The following VAC14 variants were observed in gnomAD, a reference collection of about 807,000 sequenced individuals.
VAC14 encodes the protein protein VAC14 homolog.
In VAC14, 47 loss-of-function variants were observed where a neutral mutation model predicts 85.3. The observed-to-expected ratio is 0.55, with a 90% CI of 0.44 to 0.70. VAC14 has a LOEUF of 0.70. VAC14 is among the 30% of genes least tolerant of loss of function. The pLI, the probability that VAC14 is intolerant of heterozygous loss-of-function variation, is 0.00. For missense variants in VAC14, 861 were observed against 1,004.3 expected, an observed-to-expected ratio of 0.86 and a Z score of 1.93; for synonymous variants, 447 against 430.5, an observed-to-expected ratio of 1.04 and a Z score of -0.47.
At chr16:70,783,619 C>CTCTGGG in intron 5 of VAC14, 65 bp from the exon 6 acceptor site, 1 of 1,530,128 alleles carries the variant, frequency 6.5e-7, no homozygotes, top group Non-Finnish European at 9.0e-7. Context: ...CTCACCAAGC[C>CTCTGGG]TCTGGGACTG....
chr16:70,708,318 C>G (rs1427265165), intron 14 of VAC14, among the ~76,000 whole-genome samples: 1 of 152,232 alleles, frequency 6.6e-6, no homozygotes, highest in South Asian at 2.1e-4. Context: ...TGGGCCCCTA[C>G]AGGCAATGGG....
intron 18 of VAC14, chr16:70,690,685 T>C (rs1216084349): frequency 7.1e-6 from 7 of 985,618 alleles, no homozygotes; most frequent in Non-Finnish European, 8.4e-6. Context: ...CGACCCTGTC[T>C]GCCAGCTGTC....
In VAC14 at chr16:70,772,175, G is replaced by A; in HGVS notation, c.1097-3C>T. On this transcript the variant is annotated splice_polypyrimidine_tract_variant and splice_region_variant and intron_variant, in intron 9 of 18. Coordinates refer to ENST00000261776, the MANE Select transcript of VAC14 (RefSeq NM_018052.5). ...GTCACAGGAACCATCTGGACCTCCT[G>A]GGAGAGGAAGAGGAACAAGGGGTCA... The A allele has an allele frequency of 1.2e-6, 2 of 1,613,896 alleles. No homozygotes were observed. The highest frequency in any genetic ancestry group is 1.7e-6 in the Non-Finnish European group (2 of 1,179,870).
rs113464294 is a variant in VAC14 at position 70,710,758 on chromosome 16, C to T, written c.1662-11947G>A. 1.3e-3 allele frequency among the ~76,000 whole-genome samples: 201 copies of T among 152,360 alleles called. 1 individual carries two copies. The Middle Eastern group carries it at 0.017, about 13-fold the overall frequency. On this transcript the variant is annotated intron_variant, in intron 14 of 18. Transcript: ENST00000261776. ...CCCCTCTGGCCTTGAAGCCACGGACCCAACTTGGGTCCAGCAGCCCCAGTG... is the reference window on the plus strand; with the variant it reads ...CCCCTCTGGCCTTGAAGCCACGGACTCAACTTGGGTCCAGCAGCCCCAGTG...
At chr16:70,743,890 C>T (rs1281199480) in intron 13 of VAC14, among the ~76,000 whole-genome samples, 1 of 152,156 alleles carries the variant, frequency 6.6e-6, no homozygotes, top group Non-Finnish European at 1.5e-5. Context: ...GCTGGCCTGC[C>T]ATCTGGAAGG....
intron 15 of VAC14, 151 bp from the exon 16 acceptor site, chr16:70,697,408 C>T (rs887637664): frequency 2.0e-5 from 12 of 602,968 alleles, no homozygotes; most frequent in African/African-American, 5.6e-5. Context: ...CGGCTGGGAA[C>T]GAGCCGTCAC....
At position 70,751,363 on chromosome 16, in the gene VAC14, G is replaced by T. The variant is rs111278864; in HGVS notation, c.1372-6784C>A. ...TCAGGCTAAAGGCCTTGGAAGCTGA[G>T]GTCTGGCCAGTGCAGGCCACTGCCA... On this transcript the variant is annotated intron_variant, in intron 12 of 18. Coordinates refer to ENST00000261776, the MANE Select transcript of VAC14 (RefSeq NM_018052.5). 1.4e-4 allele frequency among the ~76,000 whole-genome samples: 21 copies of T among 152,344 alleles called. 1 individual carries two copies. The highest frequency in any genetic ancestry group is 4.8e-4 in the African/African-American group (20 of 41,574).
At chr16:70,702,006 C>T (rs966696776) in intron 14 of VAC14, among the ~76,000 whole-genome samples, 2 of 152,174 alleles carry the variant, frequency 1.3e-5, no homozygotes, top group Admixed American at 6.5e-5. Flanking sequence ...AAATGCAGGC[C>T]CCTCCTACCA....
chr16:70,785,908 T>C (rs894121185), intron 2 of VAC14, 39 bp from the exon 3 acceptor site: 5 of 1,575,066 alleles, frequency 3.2e-6, no homozygotes, highest in Admixed American at 3.5e-5. Context: ...TCAGAATGGG[T>C]TGGAGCCCAG....
intron 14 of VAC14, among the ~76,000 whole-genome samples, chr16:70,719,397 AG>A (rs1361439451): frequency 1.3e-5 from 2 of 152,220 alleles, no homozygotes; most frequent in Non-Finnish European, 2.9e-5. Flanking sequence ...TTAAAAATAA[AG>A]TATGTCTGTT....
At chr16:70,746,371 T>G (rs1200635311) in intron 12 of VAC14, among the ~76,000 whole-genome samples, 1 of 152,180 alleles carries the variant, frequency 6.6e-6, no homozygotes, top group South Asian at 2.1e-4. Flanking sequence ...CTCCCACTCA[T>G]GGAGACTGGG....
At chr16:70,792,853 C>T (rs929513086) in intron 1 of VAC14, among the ~76,000 whole-genome samples, 2 of 152,226 alleles carry the variant, frequency 1.3e-5, no homozygotes, top group African/African-American at 4.8e-5. Context: ...AGCACTCACA[C>T]TCTGCTGAGT....
chr16:70,737,739 C>A (rs1377272260), intron 13 of VAC14, among the ~76,000 whole-genome samples: 1 of 152,258 alleles, frequency 6.6e-6, no homozygotes, highest in Non-Finnish European at 1.5e-5. Context: ...CACAAACAAC[C>A]TGCCCCGGGA....
intron 14 of VAC14, among the ~76,000 whole-genome samples, chr16:70,728,685 G>A (rs983157205): frequency 1.3e-5 from 2 of 152,170 alleles, no homozygotes; most frequent in East Asian, 1.9e-4. Flanking sequence ...ACTCCTTCTC[G>A]CCATGCGTCT....
intron 12 of VAC14, among the ~76,000 whole-genome samples, chr16:70,756,533 G>A (rs1299705473): frequency 6.6e-6 from 1 of 152,222 alleles, no homozygotes; most frequent in Non-Finnish European, 1.5e-5. Context: ...TGCTGGTGAG[G>A]GGCTGAGAGG....
At chr16:70,741,371 C>T (rs1597916668) in intron 13 of VAC14, among the ~76,000 whole-genome samples, 2 of 152,372 alleles carry the variant, frequency 1.3e-5, no homozygotes, top group Non-Finnish European at 2.9e-5. Context: ...TGGCACGTGC[C>T]CTCCCGGGGC....
chr16:70,780,949 C>A lies in VAC14; in HGVS notation c.947-10G>T. The stretch of plus-strand genomic sequence containing the variant: ...GCCACTTCTTTGATGCCTGAGTCCA[C>A]TGATGTAAGGAGCGTGATCTGATTT... On this transcript the variant is annotated splice_polypyrimidine_tract_variant and intron_variant, in intron 8 of 18. Coordinates refer to ENST00000261776, the MANE Select transcript of VAC14 (RefSeq NM_018052.5). 6.2e-7 allele frequency: 1 copy of A among 1,614,068 alleles called. No homozygotes were observed. Among genetic ancestry groups the A allele is most frequent in the Non-Finnish European group, 8.5e-7 (1 of 1,179,998 alleles).
chr16:70,726,645 G>A (rs529346832), intron 14 of VAC14, among the ~76,000 whole-genome samples: 94 of 152,290 alleles, frequency 6.2e-4, no homozygotes, highest in Non-Finnish European at 1.1e-3. Context: ...TGAGTGCCTC[G>A]GGAGGCTCAT....
chr16:70,772,249 C>T, intron 9 of VAC14, 77 bp from the exon 10 acceptor site: 4 of 1,270,794 alleles, frequency 3.1e-6, no homozygotes, highest in East Asian at 2.3e-5. Flanking sequence ...GTGACAAGCA[C>T]ACACAGAACT....
Sources: allele counts gnomAD v4.1 joint callset (sites outside exome capture counted in the v4.1 genomes callset), GRCh38; gene constraint gnomAD v4.1.1; transcripts MANE v1.5; gene names NCBI Gene and HGNC (gene_info 2026-07-23, HGNC 2026-07-21).